CA10: variants seen among roughly 807,000 people sequenced by gnomAD.
CA10 encodes the protein carbonic anhydrase-related protein 10.
A neutral mutation model predicts 44.2 loss-of-function variants in CA10; 14 were observed. The observed-to-expected ratio is 0.32, with a 90% CI of 0.21 to 0.50. The LOEUF is 0.50. Ranked by LOEUF, CA10 falls within the 20% of genes least tolerant of loss-of-function variation. CA10 has a pLI of 0.99. For synonymous variants in CA10, 159 were observed against 141.6 expected, an observed-to-expected ratio of 1.12 and a Z score of -0.87; for missense variants, 350 against 409.7, an observed-to-expected ratio of 0.85 and a Z score of 1.26.
At chr17:52,097,753 TAGA>T (rs1307916295) in intron 1 of CA10, among the ~76,000 whole-genome samples, 2 of 152,170 alleles carry the variant, frequency 1.3e-5, no homozygotes, top group African/African-American at 4.8e-5. Context: ...CACAGTTTGA[TAGA>T]GGAGACAGAC....
At chr17:51,941,127 C>G (rs945968381) in intron 2 of CA10, among the ~76,000 whole-genome samples, 1 of 152,096 alleles carries the variant, frequency 6.6e-6, no homozygotes, top group African/African-American at 2.4e-5. Context: ...GGTTATTCAG[C>G]CAGTGCACAG....
At chr17:51,781,489 G>C (rs183423008) in intron 3 of CA10, among the ~76,000 whole-genome samples, 7 of 152,304 alleles carry the variant, frequency 4.6e-5, no homozygotes, top group Non-Finnish European at 8.8e-5. Context: ...CAGAGGGGAA[G>C]TCTTCAATGG....
At chr17:51,808,582 T>C (rs879544869) in intron 3 of CA10, among the ~76,000 whole-genome samples, 5 of 152,170 alleles carry the variant, frequency 3.3e-5, no homozygotes, top group African/African-American at 1.2e-4. Flanking sequence ...TAGAAGCTAA[T>C]AGAAAGCAAA....
At position 51,928,956 on chromosome 17, in the gene CA10, T is replaced by C. The variant is rs140775650; in HGVS notation, c.279+2034A>G. Among the ~76,000 whole-genome samples the C allele has an allele frequency of 1.2e-3, 184 of 152,312 alleles. No homozygotes were observed. The Middle Eastern group carries it at 0.034, about 28-fold the overall frequency. On this transcript the variant is annotated intron_variant, in intron 3 of 8. Transcript: ENST00000451037. ...GGAACCATCAGACAGTTCTCAGCTC[T>C]TCAAACCACTGACAACAAAAATTGT...
intron 3 of CA10, among the ~76,000 whole-genome samples, chr17:51,759,006 C>T (rs1023364660): frequency 5.3e-5 from 8 of 152,158 alleles, no homozygotes; most frequent in Non-Finnish European, 7.3e-5. Flanking sequence ...AGGCCTAATC[C>T]GTATGACCCC....
At chr17:51,700,480 T>C (rs1915558169) in intron 4 of CA10, among the ~76,000 whole-genome samples, 2 of 152,192 alleles carry the variant, frequency 1.3e-5, no homozygotes, top group African/African-American at 4.8e-5. Flanking sequence ...TTGGTGCTCC[T>C]TGAACATGGC....
chr17:51,896,024 T>A lies in CA10; in HGVS notation c.279+34966A>T, dbSNP rs550219009. On this transcript the variant is annotated intron_variant, in intron 3 of 8. Transcript: ENST00000451037. ...TAGGCAATGTTCCATGTTATTTTTT[T>A]AAAAAAATCAACTTCATCAAGGTAT... 3.7e-4 allele frequency among the ~76,000 whole-genome samples: 56 copies of A among 152,212 alleles called. No homozygotes were observed. In the East Asian group the frequency reaches 8.7e-3, roughly 24 times the overall value.
intron 2 of CA10, among the ~76,000 whole-genome samples, chr17:51,945,875 G>T (rs140723365): frequency 1.7e-4 from 26 of 152,156 alleles, no homozygotes; most frequent in Admixed American, 5.2e-4. Context: ...CTTACGATCA[G>T]ATATAAACAA....
In CA10 at chr17:51,652,738, G is replaced by A. The variant is rs146645108; in HGVS notation, c.561+903C>T. On this transcript the variant is annotated intron_variant, in intron 5 of 8. Coordinates refer to ENST00000451037, the MANE Select transcript of CA10 (RefSeq NM_020178.5). ...TTCTGAGTAATAATGATGTCATCAT[G>A]ACAGCCCTGTTAAAATTCCCTGGTG... Among the ~76,000 whole-genome samples, 196 of 152,272 alleles carry A rather than the reference G, an allele frequency of 1.3e-3. 1 individual carries two copies. Among genetic ancestry groups the A allele is most frequent in the African/African-American group, 4.5e-3 (186 of 41,574 alleles).
At chr17:51,817,055 C>G (rs1231547936) in intron 3 of CA10, among the ~76,000 whole-genome samples, 1 of 152,198 alleles carries the variant, frequency 6.6e-6, no homozygotes, top group African/African-American at 2.4e-5. Context: ...ATTAACCTTG[C>G]CAAACCCTTT....
chr17:51,960,513 A>T (rs1029207841), intron 2 of CA10, among the ~76,000 whole-genome samples: 1 of 152,184 alleles, frequency 6.6e-6, no homozygotes, highest in African/African-American at 2.4e-5. Context: ...TAAAACAAAC[A>T]CTTTACATAT....
intron 1 of CA10, among the ~76,000 whole-genome samples, chr17:52,100,240 C>T (rs543708841): frequency 8.4e-4 from 128 of 152,106 alleles, no homozygotes; most frequent in Non-Finnish European, 1.5e-3. Context: ...TGAAAAGGAC[C>T]GGGATCCAGA....
intron 2 of CA10, among the ~76,000 whole-genome samples, chr17:51,949,127 T>C (rs1024212827): frequency 6.6e-6 from 1 of 152,210 alleles, no homozygotes; most frequent in Non-Finnish European, 1.5e-5. Context: ...GCATAAGTAA[T>C]TGGGGCAGCA....
At chr17:51,945,108 C>A (rs549469033) in intron 2 of CA10, among the ~76,000 whole-genome samples, 1 of 152,278 alleles carries the variant, frequency 6.6e-6, no homozygotes. Context: ...AAGAATTCCT[C>A]CTTTTCATCC....
At chr17:52,000,693 A>G (rs1985392195) in intron 2 of CA10, among the ~76,000 whole-genome samples, 1 of 152,060 alleles carries the variant, frequency 6.6e-6, no homozygotes, top group Admixed American at 6.6e-5. Flanking sequence ...AGAGCTGATA[A>G]GTATGGAACA....
chr17:51,748,853 C>A (rs1904797582), intron 3 of CA10, among the ~76,000 whole-genome samples: 1 of 152,182 alleles, frequency 6.6e-6, no homozygotes, highest in Admixed American at 6.5e-5. Flanking sequence ...CTCTTTTCCA[C>A]CTTTCTGACA....
intron 4 of CA10, among the ~76,000 whole-genome samples, chr17:51,732,497 C>A (rs1277284275): frequency 6.6e-6 from 1 of 152,190 alleles, no homozygotes; most frequent in Non-Finnish European, 1.5e-5. Flanking sequence ...AGCACTTGAG[C>A]TTGTGAATTT....
chr17:51,820,429 T>G (rs1907738108), intron 3 of CA10, among the ~76,000 whole-genome samples: 1 of 87,932 alleles, frequency 1.1e-5, no homozygotes, highest in African/African-American at 5.7e-5. Flanking sequence ...GCCCGCCGAT[T>G]TTCCTGTACA....
intron 2 of CA10, among the ~76,000 whole-genome samples, chr17:51,999,828 C>A (rs1567914689): frequency 6.6e-6 from 1 of 152,014 alleles, no homozygotes. Flanking sequence ...GACACAGAAG[C>A]AGTAGCTTCA....
Sources: gnomAD v4.1 joint callset for allele counts (sites outside exome capture counted in the v4.1 genomes callset) on GRCh38, gnomAD v4.1.1 for gene constraint, MANE v1.5 for transcripts, NCBI Gene and HGNC (gene_info 2026-07-23, HGNC 2026-07-21) for gene names.